Variants in LRRC43 observed in about 807,000 individuals in gnomAD.
The protein encoded by LRRC43 is leucine rich repeat containing 43.
In LRRC43, 62 loss-of-function variants were observed where a neutral mutation model predicts 64.3. The observed-to-expected ratio is 0.96, with a 90% CI of 0.79 to 1.19. LRRC43 has a LOEUF of 1.19. Among genes scored for constraint, LRRC43 ranks in the 50% most tolerant of loss-of-function variants. The pLI is 0.00. For missense variants in LRRC43, 868 were observed against 845.0 expected (o/e 1.03, Z -0.34); for synonymous variants, 422 against 382.3 (o/e 1.10, Z -1.21).
chr12:122,192,699 A>G, intron 6 of LRRC43, 46 bp from the exon 7 acceptor site: 2 of 1,601,810 alleles, frequency 1.2e-6, no homozygotes, highest in Non-Finnish European at 1.7e-6. Context: ...AGCTGAGCAC[A>G]TCCTGAAGAC....
rs373324336 is a variant in LRRC43 at position 122,191,472 on chromosome 12, G to A, written c.994G>A (p.Glu332Lys). 15 of 1,613,954 alleles carry A rather than the reference G, an allele frequency of 9.3e-6. No individual in the cohort carries two copies. The highest frequency in any genetic ancestry group is 6.7e-5 in the African/African-American group (5 of 74,892). The stretch of plus-strand genomic sequence containing the variant: ...TGTCTTAGACCCGGAACCCAGGCCC[G>A]AAGGCCCTTTCATCACTTACAACTA... ...TSVLDPEPRP[E>K]GPFITYNYYV... Residue 332 changes from glutamate (E) to lysine (K), a missense_variant, in exon 6 of 12, where the codon GAA (glutamate) becomes AAA (lysine). Transcript: ENST00000339777.
intron 1 of LRRC43, among the ~76,000 whole-genome samples, chr12:122,177,167 G>T (rs1477081727): frequency 6.6e-6 from 1 of 152,162 alleles, no homozygotes; most frequent in African/African-American, 2.4e-5. Flanking sequence ...AAAATAGAGA[G>T]ATTTTCCTGC....
intron 7 of LRRC43, among the ~76,000 whole-genome samples, chr12:122,199,028 A>G (rs1224401862): frequency 6.8e-6 from 1 of 147,980 alleles, no homozygotes; most frequent in East Asian, 2.0e-4. Context: ...AGCAGGCTGG[A>G]GTGCAGTGGC....
chr12:122,174,263 G>A, intron 1 of LRRC43: 11 of 1,455,834 alleles, frequency 7.6e-6, no homozygotes, highest in Non-Finnish European at 1.1e-5. Flanking sequence ...GGGCCAGGGT[G>A]AGGAGAAAGA....
Position 122,184,696 on chromosome 12 carries a change from G to T in LRRC43, c.328G>T (p.Glu110Ter), listed in dbSNP as rs752770340. 6.2e-7 allele frequency: 1 copy of T among 1,613,968 alleles called. No homozygotes were observed. The highest frequency in any genetic ancestry group is 2.2e-5 in the East Asian group (1 of 44,880). ...GAATGCAGAAGACAGTTTCCTGAGA[G>T]AATTGGCCATCCGGAACCCGCTGAC... ...NSNAEDSFLR[E>*]LAIRNPLTIT... is the part of the protein sequence containing the mutation. The change falls in exon 2 of 12, where the codon GAA (glutamate) becomes TAA (stop). Residue 110 changes from glutamate (E) to a stop codon, truncating the protein, a stop_gained. Transcript: ENST00000339777. LOFTEE classifies it high-confidence loss of function. The surrounding 1 kb of genome is among the most constrained non-coding windows in gnomAD (Gnocchi z 4.0).
At chr12:122,203,192 A>G in intron 11 of LRRC43, 123 bp from the exon 12 acceptor site, 1 of 965,974 alleles carries the variant, frequency 1.0e-6, no homozygotes, top group Admixed American at 2.5e-5. Context: ...TTAACACCCG[A>G]GGACCAAAAC....
At chr12:122,188,041 G>A in intron 4 of LRRC43, 1 of 555,990 alleles carries the variant, frequency 1.8e-6, no homozygotes, top group African/African-American at 1.9e-5. Flanking sequence ...AGGAGAACAA[G>A]AGGTAGTAGG....
chr12:122,174,296 CA>C (rs1395450280), intron 1 of LRRC43: 12 of 1,111,056 alleles, frequency 1.1e-5, no homozygotes, highest in African/African-American at 1.6e-5. Flanking sequence ...CCGCCCATGG[CA>C]AAACCATTTA....
intron 6 of LRRC43, among the ~76,000 whole-genome samples, chr12:122,192,196 G>A (rs1953726135): frequency 1.3e-5 from 2 of 152,224 alleles, no homozygotes; most frequent in South Asian, 2.1e-4. Flanking sequence ...GGAGTGCAGT[G>A]GCGCAATCTC....
At chr12:122,194,213 GT>G (rs576665694) in intron 7 of LRRC43, among the ~76,000 whole-genome samples, 18 of 145,392 alleles carry the variant, frequency 1.2e-4, no homozygotes, top group South Asian at 2.2e-4. Context: ...ATATAAAGTT[GT>G]TTTTTTTTTT....
Position 122,183,195 on chromosome 12 carries a change from T to TGGGACTCAGCGGCCCGGGACCGGGACC in LRRC43, c.53_79dup (p.Gly18_Thr26dup), listed in dbSNP as rs1232382949. 4.5e-6 allele frequency: 7 copies of TGGGACTCAGCGGCCCGGGACCGGGACC among 1,562,392 alleles called. No homozygotes were observed. Among genetic ancestry groups the TGGGACTCAGCGGCCCGGGACCGGGACC allele is most frequent in the Admixed American group, 3.6e-5 (2 of 55,510 alleles). ...CCGAGTCCGAGTCTGAGGCCGGGCC[T>TGGGACTCAGCGGCCCGGGACCGGGACC]GGGACTCAGCGGCCCGGGACCGGGA... is the stretch of plus-strand genomic sequence containing the variant. On this transcript the variant is annotated inframe_insertion, in exon 1 of 12. Transcript: ENST00000339777.
upstream of LRRC43, among the ~76,000 whole-genome samples, chr12:122,180,690 C>T (rs774864756): frequency 6.6e-6 from 1 of 152,160 alleles, no homozygotes. Context: ...CTGCCCAGAC[C>T]TGACCTCATT....
At chr12:122,181,980 C>T (rs1381101938), upstream of LRRC43, among the ~76,000 whole-genome samples, 2 of 152,082 alleles carry the variant, frequency 1.3e-5, no homozygotes, top group African/African-American at 4.8e-5. Flanking sequence ...ATGTGTTCCT[C>T]CAAAATTCAT....
intron 7 of LRRC43, among the ~76,000 whole-genome samples, chr12:122,194,691 G>T (rs1953757734): frequency 6.6e-6 from 1 of 151,748 alleles, no homozygotes. Flanking sequence ...GGTTGGTCTT[G>T]AACTCCTGAT....
intron 3 of LRRC43, 71 bp downstream of exon 3, chr12:122,186,371 A>T: frequency 1.0e-6 from 1 of 975,926 alleles, no homozygotes; most frequent in Non-Finnish European, 1.6e-6. Flanking sequence ...ACCCTGCCCC[A>T]CATAGTGTGG....
rs138172345 is a variant in LRRC43 at position 122,190,278 on chromosome 12, A to T, written c.811A>T (p.Ile271Phe). Residue 271 changes from isoleucine to phenylalanine, a missense_variant, in exon 5 of 12, where the codon ATC (isoleucine) becomes TTC (phenylalanine). Coordinates refer to ENST00000339777, the MANE Select transcript of LRRC43 (RefSeq NM_001098519.2). ...ALVPYYRGLTIDSLAQLCVLD... is the reference protein window; with the variant it reads ...ALVPYYRGLTFDSLAQLCVLD... ...GGTGCCCTACTACCGCGGCCTCACC[A>T]TCGACAGCCTGGCCCAGCTCTGCGT... is the stretch of plus-strand genomic sequence containing the variant. 4 of 1,613,946 alleles carry T rather than the reference A, an allele frequency of 2.5e-6. No homozygotes were observed. The Admixed American group carries it at 5.0e-5, about 20-fold the overall frequency.
chr12:122,192,169 G>A (rs1325565778), intron 6 of LRRC43, among the ~76,000 whole-genome samples: 1 of 151,834 alleles, frequency 6.6e-6, no homozygotes, highest in South Asian at 2.1e-4. Context: ...ATGGAGTCTC[G>A]CTCTGTCGCT....
rs114125842 is a variant in LRRC43, at chr12:122,189,343, G to A, written c.663-787G>A. ...CTCTACATGCCTGGAGCGGGCGGAC[G>A]CAGCAGGGAAGGGAAGCCCCCTCTC... On this transcript the variant is annotated intron_variant, in intron 4 of 11. Coordinates refer to ENST00000339777, the MANE Select transcript of LRRC43 (RefSeq NM_001098519.2). The A allele has an allele frequency of 5.7e-3, 2,542 of 446,782 alleles. 33 individuals are homozygous for A. Among genetic ancestry groups the A allele is most frequent in the African/African-American group, 0.036 (1,785 of 49,894 alleles). 27.7% of individuals were successfully genotyped at this position (446,782 alleles called of 1,614,324 possible). A position where few individuals can be genotyped will look rare whatever the true frequency, so the allele number is the denominator to read the frequency against.
chr12:122,196,970 C>T lies in LRRC43; in HGVS notation c.1350-3219C>T, dbSNP rs192971236. On this transcript the variant is annotated intron_variant, in intron 7 of 11. Coordinates refer to ENST00000339777, the MANE Select transcript of LRRC43 (RefSeq NM_001098519.2). ...AGAACAGACTCAGAGACACGAAGAA[C>T]AGCGGAAATGAGACTTTTCATGGCA... is the stretch of plus-strand genomic sequence containing the variant. 1.8e-3 allele frequency among the ~76,000 whole-genome samples: 273 copies of T among 152,192 alleles called. 2 individuals carry two copies. The highest frequency in any genetic ancestry group is 6.2e-3 in the African/African-American group (256 of 41,518).
Sources: gnomAD v4.1 joint callset for allele counts (sites outside exome capture counted in the v4.1 genomes callset) on GRCh38, gnomAD v4.1.1 for gene constraint, Gnocchi (gnomAD v3.1) non-coding constraint, MANE v1.5 for transcripts, NCBI Gene and HGNC (gene_info 2026-07-23, HGNC 2026-07-21) for gene names.